Variants in ASIC2 observed in about 807,000 individuals in gnomAD.
ASIC2 encodes acid-sensing ion channel 2.
ASIC2 carries 25 observed loss-of-function variants against 57.3 expected under a neutral mutation model. The ratio of observed to expected loss-of-function variants is 0.44; its 90% CI spans 0.32 to 0.61. The LOEUF (loss-of-function observed/expected upper bound fraction) is 0.61, where lower values mean the gene tolerates loss of function less well. ASIC2 is among the 20% of genes least tolerant of loss of function. The pLI, the probability that ASIC2 is intolerant of heterozygous loss-of-function variation, is 0.06. For synonymous variants in ASIC2, 319 were observed against 307.5 expected (o/e 1.04, Z -0.39); for missense variants, 641 against 738.1 (o/e 0.87, Z 1.52).
At chr17:33,754,343 A>G (rs1910524105) in intron 1 of ASIC2, among the ~76,000 whole-genome samples, 1 of 152,008 alleles carries the variant, frequency 6.6e-6, no homozygotes, top group African/African-American at 2.4e-5. Flanking sequence ...CATTGTGAGA[A>G]GGTTCCCAGC....
intron 1 of ASIC2, among the ~76,000 whole-genome samples, chr17:33,335,939 C>T (rs868587208): frequency 9.9e-5 from 15 of 152,170 alleles, no homozygotes; most frequent in Non-Finnish European, 1.9e-4. Flanking sequence ...GCAGCAGAAT[C>T]TCCTTTGAAT....
chr17:33,874,718 C>T (rs1026290918), intron 1 of ASIC2, among the ~76,000 whole-genome samples: 2 of 152,260 alleles, frequency 1.3e-5, no homozygotes, highest in African/African-American at 4.8e-5. Context: ...TTGCTGGCCT[C>T]ATGCCAATCT....
chr17:34,010,997 GAC>G (rs1398975566), intron 1 of ASIC2, among the ~76,000 whole-genome samples: 15 of 1,398 alleles, frequency 0.011, 1 homozygote, highest in Admixed American at 0.024. Flanking sequence ...CCTCTAGTCA[GAC>G]ACACACACAC....
chr17:33,887,318 G>C (rs1216710566), intron 1 of ASIC2, among the ~76,000 whole-genome samples: 1 of 152,174 alleles, frequency 6.6e-6, no homozygotes, highest in African/African-American at 2.4e-5. Context: ...CTGTCTAGAA[G>C]AGCGAGACAG....
chr17:33,344,810 C>A (rs1907879332), intron 1 of ASIC2, among the ~76,000 whole-genome samples: 1 of 152,046 alleles, frequency 6.6e-6, no homozygotes, highest in South Asian at 2.1e-4. Flanking sequence ...GGGACAGAGA[C>A]CATGTCTTAG....
intron 1 of ASIC2, among the ~76,000 whole-genome samples, chr17:33,506,503 C>T (rs1312495002): frequency 1.3e-5 from 2 of 151,644 alleles, no homozygotes; most frequent in Non-Finnish European, 2.9e-5. Flanking sequence ...GAGAATATAC[C>T]TTGATCTCTA....
intron 1 of ASIC2, among the ~76,000 whole-genome samples, chr17:33,952,178 T>A (rs1904598696): frequency 6.6e-6 from 1 of 152,132 alleles, no homozygotes. Context: ...TGGCAAATGT[T>A]GAACAATGAG....
At chr17:33,696,434 AG>A (rs1242595330) in intron 1 of ASIC2, among the ~76,000 whole-genome samples, 2 of 152,210 alleles carry the variant, frequency 1.3e-5, no homozygotes, top group Non-Finnish European at 2.9e-5. Flanking sequence ...TGACACTTAA[AG>A]GGCTGATAAG....
At chr17:33,209,525 T>C (rs1799765519) in intron 1 of ASIC2, among the ~76,000 whole-genome samples, 1 of 152,188 alleles carries the variant, frequency 6.6e-6, no homozygotes, top group Non-Finnish European at 1.5e-5. Context: ...TTGACCTCTA[T>C]CCACCAGATG....
chr17:33,947,780 C>T (rs900758434), intron 1 of ASIC2, among the ~76,000 whole-genome samples: 1 of 152,116 alleles, frequency 6.6e-6, no homozygotes, highest in African/African-American at 2.4e-5. Context: ...CAAAGAGGAC[C>T]ATCAAATTGC....
intron 1 of ASIC2, among the ~76,000 whole-genome samples, chr17:33,655,160 C>G (rs1284989327): frequency 6.6e-6 from 1 of 152,150 alleles, no homozygotes; most frequent in East Asian, 1.9e-4. Context: ...GTCAAAGAAC[C>G]AGACAGACCT....
At chr17:33,018,594 T>C (rs1257043761) in intron 7 of ASIC2, among the ~76,000 whole-genome samples, 1 of 152,182 alleles carries the variant, frequency 6.6e-6, no homozygotes, top group Non-Finnish European at 1.5e-5. Context: ...TTAAGATGCT[T>C]TGCTGCAGAG....
chr17:33,483,894 C>T (rs1913493862), intron 1 of ASIC2, among the ~76,000 whole-genome samples: 2 of 152,078 alleles, frequency 1.3e-5, no homozygotes, highest in African/African-American at 2.4e-5. Context: ...GGGAAATTAG[C>T]CTAGGTTATC....
intron 1 of ASIC2, among the ~76,000 whole-genome samples, chr17:33,563,774 T>A (rs568103638): frequency 6.6e-6 from 1 of 152,054 alleles, no homozygotes; most frequent in African/African-American, 2.4e-5. Context: ...CAAGGCCACA[T>A]GGGGAGTGAC....
intron 1 of ASIC2, among the ~76,000 whole-genome samples, chr17:33,622,043 A>G (rs1221945660): frequency 6.6e-6 from 1 of 152,074 alleles, no homozygotes; most frequent in Admixed American, 6.6e-5. Flanking sequence ...CATCATTGCC[A>G]TAAGTCTTAT....
At chr17:33,604,382 G>A (rs1905176769) in intron 1 of ASIC2, among the ~76,000 whole-genome samples, 1 of 152,166 alleles carries the variant, frequency 6.6e-6, no homozygotes, top group East Asian at 1.9e-4. Flanking sequence ...TGTCAGCCTG[G>A]TCTAGCTCCT....
intron 1 of ASIC2, among the ~76,000 whole-genome samples, chr17:33,439,940 T>C (rs377363574): frequency 3.9e-5 from 6 of 152,300 alleles, no homozygotes; most frequent in African/African-American, 1.4e-4. Flanking sequence ...GTAAAGGCAA[T>C]GTGGCTTTAT....
At chr17:33,232,103 G>A (rs1319247500) in intron 1 of ASIC2, among the ~76,000 whole-genome samples, 1 of 152,220 alleles carries the variant, frequency 6.6e-6, no homozygotes, top group Non-Finnish European at 1.5e-5. Context: ...CGGAAGTGAT[G>A]GTATTTGGAG....
At chr17:33,135,717 G>A (rs1000710827) in intron 1 of ASIC2, among the ~76,000 whole-genome samples, 2 of 152,214 alleles carry the variant, frequency 1.3e-5, no homozygotes, top group Non-Finnish European at 1.5e-5. Context: ...TAAGGGAGCA[G>A]GGGGAGAGGC....
Sources: gnomAD v4.1 joint callset for allele counts (sites outside exome capture counted in the v4.1 genomes callset) on GRCh38, gnomAD v4.1.1 for gene constraint, MANE v1.5 for transcripts, NCBI Gene and HGNC (gene_info 2026-07-23, HGNC 2026-07-21) for gene names.